FAM184B: variants seen among roughly 807,000 people sequenced by gnomAD.
FAM184B encodes protein FAM184B.
FAM184B carries 111 observed loss-of-function variants against 135.9 expected under a neutral mutation model. The ratio of observed to expected loss-of-function variants is 0.82; its 90% CI spans 0.70 to 0.96. FAM184B has a LOEUF of 0.96. Among genes scored for constraint, FAM184B ranks in the 40% least tolerant of loss-of-function variants. The probability of loss-of-function intolerance (pLI) is 0.00; values close to 1 mark genes in which losing one functional copy is unlikely to be tolerated. For missense variants in FAM184B, 1,375 were observed against 1,323.9 expected, an observed-to-expected ratio of 1.04 and a Z score of -0.60; for synonymous variants, 552 against 524.8, an observed-to-expected ratio of 1.05 and a Z score of -0.71.
chr4:17,660,172 C>T (rs1715880713), intron 8 of FAM184B, 85 bp from the exon 9 acceptor site: 3 of 1,474,956 alleles, frequency 2.0e-6, no homozygotes, highest in Non-Finnish European at 2.7e-6. Flanking sequence ...AGCCACTGTG[C>T]CTGGGAGGAG....
At chr4:17,659,900 T>G (rs765630526) in intron 9 of FAM184B, 58 bp downstream of exon 9, 14 of 1,538,152 alleles carry the variant, frequency 9.1e-6, no homozygotes, top group South Asian at 2.4e-5. Context: ...TCCAAGTTTG[T>G]AAAAAGGAGG....
rs1243398945 is a variant in FAM184B, at chr4:17,709,419, C to G, written c.367G>C (p.Ala123Pro). 5.9e-6 allele frequency: 9 copies of G among 1,517,684 alleles called. No homozygotes were observed. The highest frequency in any genetic ancestry group is 8.0e-6 in the Non-Finnish European group (9 of 1,127,444). The allele number at this position is 1,517,684 out of a possible 1,614,324, so 94.0% of individuals were successfully genotyped here. ...RLTEEALAESASCRLETKERE... is the reference protein window; with the variant it reads ...RLTEEALAESPSCRLETKERE... ...TCCTTCGTCTCCAGCCTGCACGAGG[C>G]CGACTCAGCCAGCGCCTCCTCCGTC... Residue 123 changes from alanine to proline, a missense_variant, in exon 2 of 18, where the codon GCC becomes CCC. Transcript: ENST00000265018.
intron 5 of FAM184B, 147 bp from the exon 6 acceptor site, chr4:17,693,559 A>C: frequency 1.5e-6 from 1 of 654,552 alleles, no homozygotes; most frequent in Non-Finnish European, 2.6e-6. Flanking sequence ...ATACACGAGA[A>C]GGTCAAAAGA....
chr4:17,641,627 C>CA (rs1379531007), intron 13 of FAM184B, among the ~76,000 whole-genome samples: 1 of 143,142 alleles, frequency 7.0e-6, no homozygotes, highest in Non-Finnish European at 1.5e-5. Context: ...TACAGGCACA[C>CA]ACCACCACGC....
At chr4:17,704,924 A>G in intron 5 of FAM184B, 76 bp downstream of exon 5, 1 of 1,305,406 alleles carries the variant, frequency 7.7e-7, no homozygotes, top group Non-Finnish European at 1.1e-6. Flanking sequence ...GAAGAAAAGA[A>G]GGAACAAAAA....
At chr4:17,638,238 G>C (rs1451692336) in intron 14 of FAM184B, among the ~76,000 whole-genome samples, 1 of 150,432 alleles carries the variant, frequency 6.6e-6, no homozygotes, top group Non-Finnish European at 1.5e-5. Flanking sequence ...GCCCAGGCTG[G>C]AGTGCAGGGG....
At chr4:17,739,555 G>GTTTTTGTTTTTTTTTTTTTTTTT (rs1553841421) in intron 1 of FAM184B, among the ~76,000 whole-genome samples, 1 of 62,510 alleles carries the variant, frequency 1.6e-5, no homozygotes, top group African/African-American at 6.2e-5. Context: ...CATACCAACT[G>GTTTTTGTTTTTTTTTTTTTTTTT]TTTTTTTTTT....
chr4:17,656,911 C>G (rs562832778), intron 10 of FAM184B, among the ~76,000 whole-genome samples: 2 of 152,240 alleles, frequency 1.3e-5, no homozygotes, highest in African/African-American at 4.8e-5. Context: ...TTCCAGTCTA[C>G]TGTATCTTGA....
At chr4:17,702,192 A>G (rs1717004537) in intron 5 of FAM184B, among the ~76,000 whole-genome samples, 1 of 152,164 alleles carries the variant, frequency 6.6e-6, no homozygotes, top group Non-Finnish European at 1.5e-5. Flanking sequence ...CGCTTGTTAA[A>G]TTCCTTTTCT....
intron 5 of FAM184B, among the ~76,000 whole-genome samples, chr4:17,695,793 G>A (rs1716843229): frequency 6.6e-6 from 1 of 152,158 alleles, no homozygotes; most frequent in Non-Finnish European, 1.5e-5. Context: ...TCTGTTAGAT[G>A]TCTAATTAGA....
intron 7 of FAM184B, among the ~76,000 whole-genome samples, chr4:17,667,506 C>A (rs1420314861): frequency 2.6e-5 from 4 of 152,198 alleles, no homozygotes; most frequent in African/African-American, 9.6e-5. Flanking sequence ...AGAGAATCAT[C>A]ATGGAGATGG....
intron 1 of FAM184B, among the ~76,000 whole-genome samples, chr4:17,734,580 A>G (rs1166932348): frequency 6.6e-6 from 1 of 152,130 alleles, no homozygotes; most frequent in African/African-American, 2.4e-5. Flanking sequence ...ACATGCAAAA[A>G]TGCTCACCAT....
At position 17,770,549 on chromosome 4, in the gene FAM184B, C is replaced by T. The variant is rs539918970; in HGVS notation, c.141+10610G>A. 3.0e-3 allele frequency among the ~76,000 whole-genome samples: 450 copies of T among 152,178 alleles called. 3 individuals carry two copies. Among genetic ancestry groups the T allele is most frequent in the African/African-American group, 0.01 (428 of 41,512 alleles). Reference sequence around the variant, plus strand: ...CGAAATATTGGCTCACTGCAACCTCCGCCTCCCGGGTTCAAGTGATTCTCC... The same window carrying T: ...CGAAATATTGGCTCACTGCAACCTCTGCCTCCCGGGTTCAAGTGATTCTCC... On this transcript the variant is annotated intron_variant, in intron 1 of 17. Transcript: ENST00000265018.
At chr4:17,644,176 A>G (rs368936659) in intron 12 of FAM184B, among the ~76,000 whole-genome samples, 1 of 152,224 alleles carries the variant, frequency 6.6e-6, no homozygotes, top group Non-Finnish European at 1.5e-5. Flanking sequence ...AAGCTTTTCA[A>G]TGCCAAGTTG....
intron 1 of FAM184B, among the ~76,000 whole-genome samples, chr4:17,753,103 G>A (rs1718338013): frequency 6.6e-6 from 1 of 152,140 alleles, no homozygotes; most frequent in African/African-American, 2.4e-5. Context: ...CCCCTGCCCT[G>A]ACATTTCGTC....
Position 17,756,289 on chromosome 4 carries a change from C to T in FAM184B, c.141+24870G>A, listed in dbSNP as rs185051958. Reference sequence around the variant, plus strand: ...AACCTGTTAAAGATTACTGCAACCACGTCAAAAGGACTCAGGAGCCAACAC... The same window carrying T: ...AACCTGTTAAAGATTACTGCAACCATGTCAAAAGGACTCAGGAGCCAACAC... On this transcript the variant is annotated intron_variant, in intron 1 of 17. Coordinates refer to ENST00000265018, the MANE Select transcript of FAM184B (RefSeq NM_015688.2). Among the ~76,000 whole-genome samples the T allele has an allele frequency of 5.9e-5, 9 of 152,232 alleles. No homozygotes were observed. In the East Asian group the frequency reaches 9.6e-4, roughly 16 times the overall value.
chr4:17,705,676 G>A (rs1296924867), intron 4 of FAM184B, 76 bp downstream of exon 4: 7 of 1,505,432 alleles, frequency 4.6e-6, no homozygotes, highest in Non-Finnish European at 6.3e-6. Context: ...TTGGGGACTG[G>A]CCTCTACCTG....
chr4:17,644,810 G>T (rs527765201), intron 12 of FAM184B, among the ~76,000 whole-genome samples: 1 of 152,148 alleles, frequency 6.6e-6, no homozygotes, highest in Non-Finnish European at 1.5e-5. Context: ...GTTTGCAGAC[G>T]ACATGATTGT....
chr4:17,667,051 G>A (rs998644283), intron 7 of FAM184B, among the ~76,000 whole-genome samples: 2 of 151,670 alleles, frequency 1.3e-5, no homozygotes, highest in African/African-American at 2.4e-5. Flanking sequence ...CTCGACTTCC[G>A]AGGCTCAAGT....
Sources: allele counts gnomAD v4.1 joint callset (sites outside exome capture counted in the v4.1 genomes callset), GRCh38; gene constraint gnomAD v4.1.1; transcripts MANE v1.5; gene names NCBI Gene and HGNC (gene_info 2026-07-23, HGNC 2026-07-21).